Variants in WWOX observed in about 807,000 individuals in gnomAD.
WWOX encodes WW domain containing oxidoreductase.
WWOX carries 69 observed loss-of-function variants against 46.2 expected under a neutral mutation model. That is an observed-to-expected ratio of 1.49 (90% CI 1.23 to 1.82). WWOX has a LOEUF of 1.82. Ranked by LOEUF, WWOX falls within the 40% of genes most tolerant of loss-of-function variation. The probability of loss-of-function intolerance (pLI) is 0.00; values close to 1 mark genes in which losing one functional copy is unlikely to be tolerated. For missense variants in WWOX, 919 were observed against 542.6 expected, an observed-to-expected ratio of 1.69 and a Z score of -6.89; for synonymous variants, 359 against 202.6, an observed-to-expected ratio of 1.77 and a Z score of -6.56.
chr16:78,709,220 C>T (rs912116236), intron 8 of WWOX, among the ~76,000 whole-genome samples: 7 of 152,204 alleles, frequency 4.6e-5, no homozygotes, highest in South Asian at 2.1e-4. Context: ...AAGCCCCCAG[C>T]CCTCCTGTTA....
intron 8 of WWOX, among the ~76,000 whole-genome samples, chr16:78,680,356 C>T (rs945194107): frequency 1.3e-4 from 20 of 151,944 alleles, no homozygotes; most frequent in South Asian, 4.2e-4. Context: ...CCAGCCTGAA[C>T]GACGTAAAAA....
chr16:79,147,966 A>C (rs966222806), intron 8 of WWOX, among the ~76,000 whole-genome samples: 1 of 151,894 alleles, frequency 6.6e-6, no homozygotes, highest in African/African-American at 2.4e-5. Flanking sequence ...TATATATTCT[A>C]GTTATTGGTT....
intron 8 of WWOX, among the ~76,000 whole-genome samples, chr16:79,135,963 G>C (rs8058132): frequency 6.6e-6 from 1 of 152,052 alleles, no homozygotes; most frequent in African/African-American, 2.4e-5. Flanking sequence ...CACCACCTTC[G>C]AATGGCTGAC....
At chr16:79,056,622 T>C (rs1597332437) in intron 8 of WWOX, among the ~76,000 whole-genome samples, 1 of 152,212 alleles carries the variant, frequency 6.6e-6, no homozygotes, top group African/African-American at 2.4e-5. Flanking sequence ...ACCCACTAGA[T>C]GCCAGTAGCA....
intron 8 of WWOX, among the ~76,000 whole-genome samples, chr16:79,002,444 A>G (rs922612093): frequency 1.3e-5 from 2 of 151,896 alleles, no homozygotes; most frequent in Non-Finnish European, 2.9e-5. Flanking sequence ...GCTGCTCTCG[A>G]ACTCCTGACC....
intron 8 of WWOX, among the ~76,000 whole-genome samples, chr16:78,769,275 C>T (rs927193114): frequency 6.6e-6 from 1 of 152,162 alleles, no homozygotes; most frequent in Non-Finnish European, 1.5e-5. Context: ...TGGGGGGAGT[C>T]ACCATCGTCC....
At chr16:78,101,812 G>A (rs996843532) in intron 1 of WWOX, among the ~76,000 whole-genome samples, 5 of 152,174 alleles carry the variant, frequency 3.3e-5, no homozygotes, top group Non-Finnish European at 2.9e-5. Flanking sequence ...CAGGCCTTTG[G>A]CTGGCACTGG....
intron 5 of WWOX, among the ~76,000 whole-genome samples, chr16:78,169,684 G>C (rs1483781033): frequency 6.6e-6 from 1 of 151,974 alleles, no homozygotes; most frequent in Non-Finnish European, 1.5e-5. Flanking sequence ...CTAAAACTCT[G>C]GTCCTGTGGA....
intron 8 of WWOX, among the ~76,000 whole-genome samples, chr16:79,176,805 C>T (rs988359054): frequency 1.3e-5 from 2 of 151,974 alleles, no homozygotes; most frequent in Admixed American, 6.6e-5. Context: ...ATTTGTAAGG[C>T]AAAAAGACCC....
At chr16:78,153,475 A>T (rs149946564) in intron 4 of WWOX, among the ~76,000 whole-genome samples, 8 of 152,258 alleles carry the variant, frequency 5.3e-5, no homozygotes, top group African/African-American at 1.7e-4. Context: ...ACCCAAGCTG[A>T]AAGACATTAG....
intron 8 of WWOX, among the ~76,000 whole-genome samples, chr16:79,005,953 C>T (rs753131214): frequency 6.6e-6 from 1 of 152,146 alleles, no homozygotes; most frequent in Non-Finnish European, 1.5e-5. Context: ...CTCTGGTTAC[C>T]CACTGGCCAT....
At chr16:78,443,892 A>G (rs1310138211) in intron 8 of WWOX, among the ~76,000 whole-genome samples, 1 of 152,088 alleles carries the variant, frequency 6.6e-6, no homozygotes, top group Non-Finnish European at 1.5e-5. Flanking sequence ...TTTGGCTGCA[A>G]CGCAGTTTAG....
At chr16:78,115,244 T>C (rs1039573216) in intron 4 of WWOX, 90 bp downstream of exon 4, 145 of 1,475,826 alleles carry the variant, frequency 9.8e-5, no homozygotes, top group Non-Finnish European at 1.3e-4. Flanking sequence ...TTAGTGGTTC[T>C]CTGATTTAAA....
intron 3 of WWOX, among the ~76,000 whole-genome samples, chr16:78,113,238 C>T (rs977157106): frequency 1.3e-5 from 2 of 152,204 alleles, no homozygotes; most frequent in African/African-American, 2.4e-5. Flanking sequence ...GTGGGGCTTG[C>T]AATCTGCGCT....
chr16:78,466,263 C>G (rs938906871), intron 8 of WWOX, among the ~76,000 whole-genome samples: 1 of 152,004 alleles, frequency 6.6e-6, no homozygotes, highest in African/African-American at 2.4e-5. Flanking sequence ...GATCTCCTGA[C>G]CTTTTGATCA....
intron 8 of WWOX, among the ~76,000 whole-genome samples, chr16:78,994,651 G>T (rs1042151541): frequency 6.6e-6 from 1 of 152,150 alleles, no homozygotes; most frequent in Non-Finnish European, 1.5e-5. Flanking sequence ...GAAATAATGG[G>T]CCAGGAAGCC....
At chr16:78,622,989 G>T (rs1009282061) in intron 8 of WWOX, among the ~76,000 whole-genome samples, 1 of 152,068 alleles carries the variant, frequency 6.6e-6, no homozygotes, top group Non-Finnish European at 1.5e-5. Flanking sequence ...CCCTAAGGAA[G>T]CCAGCAAGAA....
At chr16:79,093,557 G>C (rs1350830342) in intron 8 of WWOX, among the ~76,000 whole-genome samples, 1 of 151,938 alleles carries the variant, frequency 6.6e-6, no homozygotes, top group African/African-American at 2.4e-5. Context: ...GCCACCACCC[G>C]CAGCAGGCAG....
intron 5 of WWOX, among the ~76,000 whole-genome samples, chr16:78,220,085 C>CTGAATGATTG (rs563063532): frequency 6.6e-6 from 1 of 152,088 alleles, no homozygotes; most frequent in Non-Finnish European, 1.5e-5. Flanking sequence ...GGAGGTAATG[C>CTGAATGATTG]TGAATGATTG....
Sources: gnomAD v4.1 joint callset for allele counts (sites outside exome capture counted in the v4.1 genomes callset) on GRCh38, gnomAD v4.1.1 for gene constraint, MANE v1.5 for transcripts, NCBI Gene and HGNC (gene_info 2026-07-23, HGNC 2026-07-21) for gene names.